Variants in FEZ1 observed in about 807,000 individuals in gnomAD.
The protein encoded by FEZ1 is fasciculation and elongation protein zeta-1.
In FEZ1, 20 loss-of-function variants were observed where a neutral mutation model predicts 49.3. The ratio of observed to expected loss-of-function variants is 0.41; its 90% CI spans 0.29 to 0.59. FEZ1 has a LOEUF of 0.59. FEZ1 is among the 20% of genes least tolerant of loss of function. The probability of loss-of-function intolerance (pLI) is 0.36; values close to 1 mark genes in which losing one functional copy is unlikely to be tolerated. For synonymous variants in FEZ1, 170 were observed against 180.9 expected (o/e 0.94, Z 0.48); for missense variants, 413 against 476.0 (o/e 0.87, Z 1.23).
chr11:125,490,652 A>G (rs1957372530), intron 1 of FEZ1, among the ~76,000 whole-genome samples: 1 of 152,162 alleles, frequency 6.6e-6, no homozygotes, highest in Non-Finnish European at 1.5e-5. Flanking sequence ...GAGCTCACTC[A>G]GGAGTTCAAG....
chr11:125,454,077 G>T (rs1956983984), intron 7 of FEZ1, 53 bp downstream of exon 7: 1 of 1,323,000 alleles, frequency 7.6e-7, no homozygotes, highest in Non-Finnish European at 1.1e-6. Flanking sequence ...TGCTGGGGAG[G>T]CCAAGCTGCA....
intron 2 of FEZ1, among the ~76,000 whole-genome samples, chr11:125,486,449 G>A (rs931832515): frequency 6.6e-6 from 1 of 152,198 alleles, no homozygotes; most frequent in Non-Finnish European, 1.5e-5. Context: ...CAAAAAATGT[G>A]TATTCAAATC....
At chr11:125,493,398 GA>G (rs1957408305) in intron 1 of FEZ1, among the ~76,000 whole-genome samples, 9 of 63,808 alleles carry the variant, frequency 1.4e-4, no homozygotes, top group East Asian at 3.9e-4. Context: ...AAGAAAGAAA[GA>G]AAGAAAGAAA....
Position 125,495,167 on chromosome 11 carries a change from C to T in FEZ1, c.-46+954G>A. The T allele has an allele frequency of 5.7e-6, 2 of 353,706 alleles. No homozygotes were observed. The highest frequency in any genetic ancestry group is 4.3e-5 in the South Asian group (2 of 46,260). 21.9% of individuals were successfully genotyped at this position (353,706 alleles called of 1,614,324 possible). A position where few individuals can be genotyped will look rare whatever the true frequency, so the allele number is the denominator to read the frequency against. On this transcript the variant is annotated intron_variant, in intron 1 of 9. Transcript: ENST00000278919. The surrounding 1 kb of genome is among the most constrained non-coding windows in gnomAD (Gnocchi z 4.2). Reference sequence around the variant, plus strand: ...GCTCCATTCACCTCCATCTCAGATCCCCCTCCTCCCCCCAGTCCGGTGGGG... The same window carrying T: ...GCTCCATTCACCTCCATCTCAGATCTCCCTCCTCCCCCCAGTCCGGTGGGG...
intron 8 of FEZ1, chr11:125,451,465 A>G (rs1316514439): frequency 6.6e-6 from 1 of 152,314 alleles, no homozygotes; most frequent in Non-Finnish European, 1.5e-5. Context: ...CAGAAGCTCA[A>G]CTTCCCCTCT....
chr11:125,491,268 G>A (rs1957379224), intron 1 of FEZ1, among the ~76,000 whole-genome samples: 1 of 152,038 alleles, frequency 6.6e-6, no homozygotes, highest in East Asian at 1.9e-4. Flanking sequence ...ACCCCTCATC[G>A]GGCCATCTTC....
intron 9 of FEZ1, among the ~76,000 whole-genome samples, chr11:125,448,063 T>C (rs1956914210): frequency 6.6e-6 from 1 of 152,012 alleles, no homozygotes; most frequent in East Asian, 1.9e-4. Context: ...TACCTGAGAG[T>C]GTATTATGCC....
intron 5 of FEZ1, among the ~76,000 whole-genome samples, chr11:125,457,229 AC>A (rs2135744902): frequency 6.7e-6 from 1 of 148,894 alleles, no homozygotes; most frequent in South Asian, 2.1e-4. Context: ...AAAACTTTAT[AC>A]CCTTTAAGCA....
rs147796768 is a variant in FEZ1 at position 125,480,957 on chromosome 11, T to G, written c.411+577A>C. 7.0e-3 allele frequency among the ~76,000 whole-genome samples: 1,057 copies of G among 151,704 alleles called. 13 individuals carry two copies. Among genetic ancestry groups the G allele is most frequent in the African/African-American group, 0.024 (977 of 41,286 alleles). ...GGGATGCTGAGGCAGGAGACTCCCT[T>G]GAACCCGGGAGGCGAAGGTTGCAGT... On this transcript the variant is annotated intron_variant, in intron 3 of 9. Coordinates refer to ENST00000278919, the MANE Select transcript of FEZ1 (RefSeq NM_005103.5).
intron 4 of FEZ1, 197 bp downstream of exon 4, chr11:125,463,287 C>G (rs1375221634): frequency 2.7e-6 from 1 of 376,560 alleles, no homozygotes; most frequent in Non-Finnish European, 4.8e-6. Flanking sequence ...GCCTGGGCAA[C>G]AGAGCAAGAC....
At chr11:125,484,497 A>C (rs539792888) in intron 2 of FEZ1, among the ~76,000 whole-genome samples, 1 of 152,282 alleles carries the variant, frequency 6.6e-6, no homozygotes, top group Non-Finnish European at 1.5e-5. Flanking sequence ...AGAGCAGTTT[A>C]GAAACTGGCT....
At chr11:125,487,809 A>T (rs547965096) in intron 2 of FEZ1, among the ~76,000 whole-genome samples, 1 of 152,338 alleles carries the variant, frequency 6.6e-6, no homozygotes, top group African/African-American at 2.4e-5. Context: ...ATTGCACTGT[A>T]TTAGACAGTG....
intron 2 of FEZ1, among the ~76,000 whole-genome samples, chr11:125,482,537 G>A (rs1765107697): frequency 2.0e-5 from 3 of 152,114 alleles, no homozygotes; most frequent in Admixed American, 1.3e-4. Context: ...AGAGGAGGGA[G>A]GTTGGGGAAA....
At chr11:125,493,078 G>A (rs1434484718) in intron 1 of FEZ1, among the ~76,000 whole-genome samples, 1 of 151,776 alleles carries the variant, frequency 6.6e-6, no homozygotes, top group Non-Finnish European at 1.5e-5. Context: ...TGTAATCCCA[G>A]CACTTTGGGA....
At chr11:125,465,442 C>T (rs1302397700) in intron 3 of FEZ1, among the ~76,000 whole-genome samples, 1 of 152,146 alleles carries the variant, frequency 6.6e-6, no homozygotes, top group Non-Finnish European at 1.5e-5. Flanking sequence ...TAAGCCTGGG[C>T]TGTGGCCGGA....
chr11:125,488,321 A>G (rs1479392488), intron 2 of FEZ1, among the ~76,000 whole-genome samples: 1 of 152,236 alleles, frequency 6.6e-6, no homozygotes, highest in East Asian at 1.9e-4. Flanking sequence ...ACGTACATAC[A>G]GGAAAAAACA....
chr11:125,461,901 T>C (rs760221011), intron 4 of FEZ1, among the ~76,000 whole-genome samples: 35 of 152,314 alleles, frequency 2.3e-4, no homozygotes, highest in Admixed American at 5.2e-4. Flanking sequence ...TACCCAGTCT[T>C]TGACTACTGA....
rs1054827955 is a variant in FEZ1, at chr11:125,445,224, C to T, written c.*871G>A. On this transcript the variant is annotated 3_prime_UTR_variant, in exon 10 of 10. Coordinates refer to ENST00000278919, the MANE Select transcript of FEZ1 (RefSeq NM_005103.5). The surrounding 1 kb of genome is among the most constrained non-coding windows in gnomAD (Gnocchi z 4.4). ...GTCAAAGGACACTGTTGCCAGGGGTCGTTGGGGACAAACAGGGAGTGGTGG... is the reference window on the plus strand; with the variant it reads ...GTCAAAGGACACTGTTGCCAGGGGTTGTTGGGGACAAACAGGGAGTGGTGG... Among the ~76,000 whole-genome samples, 3 of 152,170 alleles carry T rather than the reference C, an allele frequency of 2.0e-5. No homozygotes were observed. The highest frequency in any genetic ancestry group is 7.2e-5 in the African/African-American group (3 of 41,450).
intron 7 of FEZ1, 47 bp downstream of exon 7, chr11:125,454,083 C>A: frequency 7.1e-7 from 1 of 1,410,870 alleles, no homozygotes. Flanking sequence ...GGAGGCCAAG[C>A]TGCAGGAGTC....
Sources: gnomAD v4.1 joint callset for allele counts (sites outside exome capture counted in the v4.1 genomes callset) on GRCh38, gnomAD v4.1.1 for gene constraint, Gnocchi (gnomAD v3.1) non-coding constraint, MANE v1.5 for transcripts, NCBI Gene and HGNC (gene_info 2026-07-23, HGNC 2026-07-21) for gene names.